The following SLC9A8 variants were observed in gnomAD, a reference collection of about 807,000 sequenced individuals.
The protein encoded by SLC9A8 is solute carrier family 9 member A8.
Under a neutral mutation model 66.6 loss-of-function variants are expected in SLC9A8, and 48 were observed. The ratio of observed to expected loss-of-function variants is 0.72; its 90% CI spans 0.57 to 0.92. The LOEUF is 0.92. SLC9A8 is among the 40% of genes least tolerant of loss of function. The pLI is 0.00. For synonymous variants in SLC9A8, 274 were observed against 282.6 expected (o/e 0.97, Z 0.31); for missense variants, 599 against 747.3 (o/e 0.80, Z 2.31).
At chr20:49,851,540 G>A (rs1243465485) in intron 7 of SLC9A8, among the ~76,000 whole-genome samples, 1 of 152,202 alleles carries the variant, frequency 6.6e-6, no homozygotes, top group Non-Finnish European at 1.5e-5. Context: ...ACATGGCTGG[G>A]GAGCTGGGCA....
In SLC9A8 at chr20:49,888,609, ATCT is replaced by A. The variant is rs543678275; in HGVS notation, c.*678_*680del. The A allele has an allele frequency of 6.5e-6, 1 of 152,772 alleles. No homozygotes were observed. Among genetic ancestry groups the A allele is most frequent in the Non-Finnish European group, 1.5e-5 (1 of 68,186 alleles). The allele number at this position is 152,772 out of a possible 1,614,324, so 9.5% of individuals were successfully genotyped here. On this transcript the variant is annotated 3_prime_UTR_variant, in exon 16 of 16. Coordinates refer to ENST00000361573, the MANE Select transcript of SLC9A8 (RefSeq NM_015266.3). ...AATGTTTACACTGGTACCTTCTGGT[ATCT>A]TCTTTAGAGCCCCCTGCAAGCTGCA...
chr20:49,844,965 T>A, intron 4 of SLC9A8, 71 bp from the exon 5 acceptor site: 1 of 1,091,988 alleles, frequency 9.2e-7, no homozygotes, highest in Middle Eastern at 2.0e-4. Context: ...TTATTTTGGC[T>A]CTTTATTGAT....
intron 5 of SLC9A8, among the ~76,000 whole-genome samples, chr20:49,847,244 G>A (rs1425801344): frequency 6.6e-6 from 1 of 151,610 alleles, no homozygotes; most frequent in Non-Finnish European, 1.5e-5. Flanking sequence ...AGGTCACCAT[G>A]TCTTTCCTTT....
At chr20:49,874,659 G>T in intron 10 of SLC9A8, 46 bp from the exon 11 acceptor site, 1 of 1,180,736 alleles carries the variant, frequency 8.5e-7, no homozygotes, top group Non-Finnish European at 1.3e-6. Flanking sequence ...GATCTGAGTT[G>T]GGGATCACAC....
chr20:49,823,127 C>G lies in SLC9A8; in HGVS notation c.275C>G (p.Ala92Gly). The G allele has an allele frequency of 6.2e-7, 1 of 1,611,464 alleles. No homozygotes were observed. The highest frequency in any genetic ancestry group is 8.5e-7 in the Non-Finnish European group (1 of 1,178,586). ...YRLHFLPESV[A>G]VVSLGILMGA... ...TTACATTTCTTGCCAGAGAGTGTTG[C>G]TGTTGTTTCTTTAGGTAAGTGTGTA... is the stretch of plus-strand genomic sequence containing the variant. The change falls in exon 3 of 16, where the codon GCT becomes GGT. Residue 92 changes from alanine to glycine, a missense_variant. Coordinates refer to ENST00000361573, the MANE Select transcript of SLC9A8 (RefSeq NM_015266.3).
intron 3 of SLC9A8, among the ~76,000 whole-genome samples, chr20:49,835,932 A>T (rs1051322188): frequency 6.6e-6 from 1 of 151,908 alleles, no homozygotes; most frequent in African/African-American, 2.4e-5. Context: ...AGCCTCCCAA[A>T]GTGCTGGGAT....
chr20:49,830,984 C>G (rs1161874536), intron 3 of SLC9A8: 1 of 758,666 alleles, frequency 1.3e-6, no homozygotes, highest in East Asian at 2.5e-5. Context: ...GGTCAACTCT[C>G]TGACTCCCAT....
intron 3 of SLC9A8, among the ~76,000 whole-genome samples, chr20:49,831,530 T>G (rs909276032): frequency 2.0e-5 from 3 of 151,924 alleles, no homozygotes; most frequent in Non-Finnish European, 4.4e-5. Flanking sequence ...CCCCTTCCAG[T>G]CAAGGAACTA....
chr20:49,834,405 GTA>G (rs57162343), intron 3 of SLC9A8, among the ~76,000 whole-genome samples: 436 of 40,780 alleles, frequency 0.011, 21 homozygotes, highest in African/African-American at 0.034. Context: ...TATATACTGT[GTA>G]TATATATATA....
chr20:49,860,571 A>T (rs910637728), intron 8 of SLC9A8, among the ~76,000 whole-genome samples: 27 of 152,018 alleles, frequency 1.8e-4, no homozygotes, highest in African/African-American at 6.3e-4. Context: ...ACAAAAAAAA[A>T]TTAGCTGGGC....
intron 3 of SLC9A8, among the ~76,000 whole-genome samples, chr20:49,834,400 A>C (rs866163912): frequency 8.0e-5 from 5 of 62,360 alleles, no homozygotes; most frequent in African/African-American, 4.1e-4. Flanking sequence ...ATATATATAT[A>C]CTGTGTATAT....
chr20:49,856,820 C>CAA (rs143064218), intron 8 of SLC9A8, among the ~76,000 whole-genome samples: 17,430 of 98,854 alleles, frequency 0.18, 1,996 homozygotes, highest in African/African-American at 0.36. Context: ...GACTCCGTCT[C>CAA]AAAAAAAAAA....
chr20:49,835,450 A>G (rs2087491521), intron 3 of SLC9A8, among the ~76,000 whole-genome samples: 1 of 152,074 alleles, frequency 6.6e-6, no homozygotes, highest in African/African-American at 2.4e-5. Flanking sequence ...CCTCTACCTA[A>G]TTCCAGAACA....
At chr20:49,834,156 T>C (rs1036589130) in intron 3 of SLC9A8, among the ~76,000 whole-genome samples, 1 of 47,940 alleles carries the variant, frequency 2.1e-5, no homozygotes, top group African/African-American at 8.7e-5. Context: ...TCTCTCTCTC[T>C]CTCTCTCTCT....
At chr20:49,834,214 T>TATATATATAC (rs1479055075) in intron 3 of SLC9A8, among the ~76,000 whole-genome samples, 60 of 112,104 alleles carry the variant, frequency 5.4e-4, no homozygotes, top group African/African-American at 1.6e-3. Context: ...TATATATATA[T>TATATATATAC]ACACACACAC....
intron 8 of SLC9A8, among the ~76,000 whole-genome samples, chr20:49,860,157 A>G (rs2088674654): frequency 6.6e-6 from 1 of 152,170 alleles, no homozygotes; most frequent in Non-Finnish European, 1.5e-5. Context: ...CATGGCCTTC[A>G]AAAGCACTTT....
Position 49,891,114 on chromosome 20 carries a change from G to A in SLC9A8, c.*3178G>A, listed in dbSNP as rs146601544. The A allele has an allele frequency of 8.8e-4, 134 of 152,640 alleles. No homozygotes were observed. The highest frequency in any genetic ancestry group is 1.6e-3 in the Non-Finnish European group (110 of 68,286). The allele number at this position is 152,640 out of a possible 1,614,324, so 9.5% of individuals were successfully genotyped here. A position where few individuals can be genotyped will look rare whatever the true frequency, so the allele number is the denominator to read the frequency against. On this transcript the variant is annotated 3_prime_UTR_variant, in exon 16 of 16. Coordinates refer to ENST00000361573, the MANE Select transcript of SLC9A8 (RefSeq NM_015266.3). ...CAGGCTGGGGTGTGGGTGTGGCCTGGGGTGGCTCAGGGCTGGAACTGCTGC... is the reference window on the plus strand; with the variant it reads ...CAGGCTGGGGTGTGGGTGTGGCCTGAGGTGGCTCAGGGCTGGAACTGCTGC...
chr20:49,828,274 G>C (rs1016934189), intron 3 of SLC9A8, among the ~76,000 whole-genome samples: 10 of 151,564 alleles, frequency 6.6e-5, no homozygotes, highest in Admixed American at 2.0e-4. Flanking sequence ...TAGAAACAGG[G>C]TTTCACCATG....
In SLC9A8 at chr20:49,886,419, G is replaced by T. The variant is rs1167017597; in HGVS notation, c.1492-333G>T. ...AAAAAGCCTCCCTGTGCGATTTGCT[G>T]CTAATGAAAAGCCCAGAACAGCAGT... On this transcript the variant is annotated intron_variant, in intron 14 of 15. Transcript: ENST00000361573. The surrounding 1 kb of genome is among the most constrained non-coding windows in gnomAD (Gnocchi z 4.8). 1.4e-5 allele frequency: 3 copies of T among 211,810 alleles called. No individual in the cohort carries two copies. The highest frequency in any genetic ancestry group is 6.9e-5 in the African/African-American group (3 of 43,706). 13.1% of individuals were successfully genotyped at this position (211,810 alleles called of 1,614,324 possible).
Sources: allele counts gnomAD v4.1 joint callset (sites outside exome capture counted in the v4.1 genomes callset), GRCh38; gene constraint gnomAD v4.1.1; non-coding constraint Gnocchi (gnomAD v3.1); transcripts MANE v1.5; gene names NCBI Gene and HGNC (gene_info 2026-07-23, HGNC 2026-07-21).